Variants in CEP89 observed in about 807,000 individuals in gnomAD.
CEP89 encodes centrosomal protein 89.
Under a neutral mutation model 97.6 loss-of-function variants are expected in CEP89, and 95 were observed. That is an observed-to-expected ratio of 0.97 (90% CI 0.82 to 1.15). The LOEUF (loss-of-function observed/expected upper bound fraction) is 1.15. CEP89 is among the 50% of genes most tolerant of loss of function. CEP89 has a pLI of 0.00. For synonymous variants in CEP89, 354 were observed against 349.1 expected (o/e 1.01, Z -0.16); for missense variants, 869 against 947.7 (o/e 0.92, Z 1.09).
chr19:32,965,116 T>C (rs780913525), intron 2 of CEP89, among the ~76,000 whole-genome samples: 1 of 152,162 alleles, frequency 6.6e-6, no homozygotes, highest in Admixed American at 6.5e-5. Flanking sequence ...ATTTGCTATG[T>C]TGCCCAGGCT....
At chr19:32,896,876 C>T (rs1384944318) in intron 16 of CEP89, among the ~76,000 whole-genome samples, 2 of 151,700 alleles carry the variant, frequency 1.3e-5, no homozygotes, top group Non-Finnish European at 2.9e-5. Flanking sequence ...ATAGACATTC[C>T]CCAAAAGCAG....
Position 32,971,921 on chromosome 19 carries a change from A to T in CEP89, c.-47T>A, listed in dbSNP as rs753546073. On this transcript the variant is annotated 5_prime_UTR_variant, in exon 1 of 19. Coordinates refer to ENST00000305768, the MANE Select transcript of CEP89 (RefSeq NM_032816.5). ...GACCGGGGCCTGGACTCATCAGCAG[A>T]TCTATCCACAGCCAGGGACCACTCC... 7.0e-6 allele frequency: 11 copies of T among 1,561,888 alleles called. No homozygotes were observed. In the Middle Eastern group the frequency reaches 5.0e-4, roughly 71 times the overall value.
chr19:32,922,738 C>T (rs1259607570), intron 12 of CEP89, among the ~76,000 whole-genome samples: 2 of 151,926 alleles, frequency 1.3e-5, no homozygotes, highest in Non-Finnish European at 2.9e-5. Context: ...ATCCCAGCTA[C>T]TCAGGAGGCT....
chr19:32,887,615 C>T (rs770319313), intron 17 of CEP89, 137 bp downstream of exon 17: 110 of 628,944 alleles, frequency 1.7e-4, no homozygotes, highest in Non-Finnish European at 2.6e-5. Flanking sequence ...GCCAGCAAAA[C>T]CTTACAATAC....
At chr19:32,924,037 G>A (rs1210169258) in intron 11 of CEP89, among the ~76,000 whole-genome samples, 2 of 145,214 alleles carry the variant, frequency 1.4e-5, no homozygotes, top group Non-Finnish European at 3.0e-5. Context: ...ACAGGGTCTC[G>A]CTCTGTCACC....
At chr19:32,885,967 C>T (rs368871190) in intron 17 of CEP89, among the ~76,000 whole-genome samples, 1 of 152,168 alleles carries the variant, frequency 6.6e-6, no homozygotes, top group African/African-American at 2.4e-5. Flanking sequence ...ATTTCTTAAA[C>T]CGCTTCTCTG....
chr19:32,903,219 A>G (rs1377293588), intron 14 of CEP89, among the ~76,000 whole-genome samples: 1 of 152,144 alleles, frequency 6.6e-6, no homozygotes, highest in East Asian at 1.9e-4. Context: ...AAAGTAAACA[A>G]ATAAATAAAT....
At chr19:32,905,041 T>C (rs1969859987) in intron 14 of CEP89, among the ~76,000 whole-genome samples, 1 of 152,254 alleles carries the variant, frequency 6.6e-6, no homozygotes, top group Non-Finnish European at 1.5e-5. Context: ...TTATGAATAA[T>C]GACACTATTG....
chr19:32,970,848 G>A (rs1971388011), intron 1 of CEP89: 1 of 152,008 alleles, frequency 6.6e-6, no homozygotes, highest in African/African-American at 2.4e-5. Flanking sequence ...CAGAGTGTGA[G>A]GCAAAAAATA....
chr19:32,906,263 C>G (rs1012100523), intron 14 of CEP89, among the ~76,000 whole-genome samples: 1 of 152,142 alleles, frequency 6.6e-6, no homozygotes, highest in African/African-American at 2.4e-5. Flanking sequence ...CCTTGCCCAC[C>G]TTTCATTTTC....
At chr19:32,961,020 G>T (rs1421436445) in intron 2 of CEP89, among the ~76,000 whole-genome samples, 1 of 152,132 alleles carries the variant, frequency 6.6e-6, no homozygotes, top group Non-Finnish European at 1.5e-5. Context: ...AGGTCCCCTA[G>T]TTTCAGCGGG....
intron 12 of CEP89, among the ~76,000 whole-genome samples, chr19:32,920,928 G>A (rs935676636): frequency 1.6e-4 from 25 of 151,912 alleles, no homozygotes; most frequent in Admixed American, 1.4e-3. Flanking sequence ...AGCAGAAAGC[G>A]TCTGCTGGGC....
intron 7 of CEP89, among the ~76,000 whole-genome samples, chr19:32,933,909 A>G (rs1348413274): frequency 6.6e-6 from 1 of 152,162 alleles, no homozygotes; most frequent in Non-Finnish European, 1.5e-5. Flanking sequence ...GGCCGTGCCT[A>G]TTGTGATGTG....
chr19:32,917,597 G>GA (rs1447176135), intron 13 of CEP89, among the ~76,000 whole-genome samples: 1 of 152,070 alleles, frequency 6.6e-6, no homozygotes, highest in African/African-American at 2.4e-5. Flanking sequence ...AAAGCAAAGG[G>GA]AAAAAATGCC....
intron 11 of CEP89, among the ~76,000 whole-genome samples, chr19:32,923,832 G>C (rs1332372790): frequency 1.3e-5 from 2 of 152,066 alleles, no homozygotes; most frequent in Admixed American, 1.3e-4. Flanking sequence ...TATAACTGCC[G>C]AATACTGATA....
chr19:32,888,802 T>TTTTA (rs889678123), intron 16 of CEP89, among the ~76,000 whole-genome samples: 39 of 152,022 alleles, frequency 2.6e-4, no homozygotes, highest in South Asian at 2.3e-3. Flanking sequence ...TTTCTTTTTG[T>TTTTA]TTTATTTATT....
At chr19:32,942,143 A>G (rs1970699438) in intron 5 of CEP89, among the ~76,000 whole-genome samples, 1 of 152,200 alleles carries the variant, frequency 6.6e-6, no homozygotes, top group Non-Finnish European at 1.5e-5. Flanking sequence ...GCACTTTGGG[A>G]GGCCGAGGCA....
intron 5 of CEP89, among the ~76,000 whole-genome samples, chr19:32,944,220 T>TGAAAAAAAAAA (rs1970747144): frequency 9.6e-5 from 6 of 62,420 alleles, no homozygotes; most frequent in Non-Finnish European, 1.8e-4. Flanking sequence ...TGAGACCCTG[T>TGAAAAAAAAAA]AAAAAAAAAA....
At chr19:32,957,449 T>G (rs1971072191) in intron 3 of CEP89, among the ~76,000 whole-genome samples, 1 of 152,126 alleles carries the variant, frequency 6.6e-6, no homozygotes, top group Non-Finnish European at 1.5e-5. Flanking sequence ...AGAGGATCTC[T>G]TGAAGCTAGA....
Sources: gnomAD v4.1 joint callset for allele counts (sites outside exome capture counted in the v4.1 genomes callset) on GRCh38, gnomAD v4.1.1 for gene constraint, MANE v1.5 for transcripts, NCBI Gene and HGNC (gene_info 2026-07-23, HGNC 2026-07-21) for gene names.